The following PAMR1 variants were observed in gnomAD, a reference collection of about 807,000 sequenced individuals.
PAMR1 encodes peptidase domain containing associated with muscle regeneration 1.
PAMR1 carries 88 observed loss-of-function variants against 81.8 expected under a neutral mutation model. The observed-to-expected ratio is 1.08, with a 90% CI of 0.91 to 1.28. The LOEUF (loss-of-function observed/expected upper bound fraction) is 1.28. PAMR1 is among the 50% of genes most tolerant of loss of function. The pLI, the probability that PAMR1 is intolerant of heterozygous loss-of-function variation, is 0.00. For synonymous variants in PAMR1, 336 were observed against 345.3 expected (o/e 0.97, Z 0.30); for missense variants, 935 against 919.7 (o/e 1.02, Z -0.21).
chr11:35,441,588 G>A lies in PAMR1; in HGVS notation c.926C>T (p.Thr309Ile), dbSNP rs764484315. ...GTTGTTACAAAAGAAAGACACCACG[G>A]TGCCAATTTTAGCATGGCGTCCGTT... ...LINGRHAKIG[T>I]VVSFFCNNSY... The change falls in exon 7 of 11, where the codon ACC becomes ATC. Residue 309 changes from threonine to isoleucine, a missense_variant. Coordinates refer to ENST00000619888, the MANE Select transcript of PAMR1 (RefSeq NM_001001991.3). 4.3e-6 allele frequency: 7 copies of A among 1,613,814 alleles called. 2 individuals carry two copies. The South Asian group carries it at 6.6e-5, about 15-fold the overall frequency.
chr11:35,461,974 G>A (rs7130305), intron 6 of PAMR1, among the ~76,000 whole-genome samples: 6 of 151,746 alleles, frequency 4.0e-5, no homozygotes, highest in Middle Eastern at 3.4e-3. Context: ...GACAGATTGA[G>A]CCTTTGTTTT....
intron 3 of PAMR1, among the ~76,000 whole-genome samples, chr11:35,485,589 G>A (rs1195626329): frequency 6.6e-6 from 1 of 152,134 alleles, no homozygotes. Flanking sequence ...ACCTGCCAAT[G>A]GTTATGCATG....
At chr11:35,434,478 G>A in intron 10 of PAMR1, 34 bp downstream of exon 10, 1 of 1,590,942 alleles carries the variant, frequency 6.3e-7, no homozygotes, top group Non-Finnish European at 8.6e-7. Context: ...TTTTGAGCCA[G>A]AGCCCCAGCT....
chr11:35,523,323 T>C (rs1590405771), intron 1 of PAMR1, among the ~76,000 whole-genome samples: 1 of 152,240 alleles, frequency 6.6e-6, no homozygotes, highest in African/African-American at 2.4e-5. Context: ...TTAATGTCTG[T>C]TGGAAGCAAC....
intron 1 of PAMR1, among the ~76,000 whole-genome samples, chr11:35,495,877 T>A (rs1590375861): frequency 5.3e-5 from 8 of 152,360 alleles, no homozygotes; most frequent in African/African-American, 1.9e-4. Context: ...GAGGGACAGT[T>A]ATTTAAATGG....
At chr11:35,500,160 A>G (rs7942287) in intron 1 of PAMR1, among the ~76,000 whole-genome samples, 71,232 of 152,054 alleles carry the variant, frequency 0.47, 19,264 homozygotes, top group Non-Finnish European at 0.61. Context: ...TCTGACCTTC[A>G]CGGCTGGAAG....
At position 35,492,104 on chromosome 11, in the gene PAMR1, T is replaced by C. The variant is rs1239712879; in HGVS notation, c.320A>G (p.Tyr107Cys). 5 of 1,614,142 alleles carry C rather than the reference T, an allele frequency of 3.1e-6. No homozygotes were observed. The highest frequency in any genetic ancestry group is 1.1e-5 in the South Asian group (1 of 91,072). Residue 107 changes from tyrosine to cysteine, a missense_variant, in exon 3 of 11, where the codon TAT becomes TGT. Physicochemically the swap from Tyr to Cys is radical, Grantham distance 194. Coordinates refer to ENST00000619888, the MANE Select transcript of PAMR1 (RefSeq NM_001001991.3). ...GSWGGTLDDF[Y>C]VKGFYCAECR... Reference sequence around the variant, plus strand: ...CTCTGCACAGTAGAACCCCTTCACATAGAAGTCATCCAAGGTACCCCCCCA... The same window carrying C: ...CTCTGCACAGTAGAACCCCTTCACACAGAAGTCATCCAAGGTACCCCCCCA...
At chr11:35,470,168 A>G (rs1590346934) in intron 5 of PAMR1, among the ~76,000 whole-genome samples, 1 of 152,140 alleles carries the variant, frequency 6.6e-6, no homozygotes, top group East Asian at 1.9e-4. Context: ...TTACTCCCTT[A>G]TCACTCATTA....
intron 3 of PAMR1, among the ~76,000 whole-genome samples, chr11:35,488,793 G>A (rs1043164928): frequency 6.9e-5 from 10 of 145,298 alleles, no homozygotes; most frequent in African/African-American, 1.0e-4. Flanking sequence ...GGCTGGTCTC[G>A]AACTTCTGGG....
chr11:35,520,722 CT>C (rs1205105784), intron 1 of PAMR1, among the ~76,000 whole-genome samples: 19 of 152,210 alleles, frequency 1.2e-4, no homozygotes, highest in Admixed American at 1.2e-3. Flanking sequence ...ACAATATTCC[CT>C]CATTTATCAT....
rs111324432 is a variant in PAMR1 at position 35,434,719 on chromosome 11, G to A, written c.1419C>T (p.Ser473=). Residue 473 remains serine (S), a synonymous_variant, in exon 10 of 11, where the codon AGC becomes AGT. Coordinates refer to ENST00000619888, the MANE Select transcript of PAMR1 (RefSeq NM_001001991.3). ...TGTGTAGGCTGCCGTCATGCACCCCGCTGGTCCTCCTGTAGATGGCTGCCT... is the reference window on the plus strand; with the variant it reads ...TGTGTAGGCTGCCGTCATGCACCCCACTGGTCCTCCTGTAGATGGCTGCCT... ...PWQAAIYRRT[S]GVHDGSLHKG... is the part of the protein sequence containing the mutation. The A allele has an allele frequency of 6.4e-5, 103 of 1,614,120 alleles. 1 individual carries two copies. Among genetic ancestry groups the A allele is most frequent in the African/African-American group, 4.4e-4 (33 of 75,018 alleles).
chr11:35,435,862 A>C (rs755770819), intron 9 of PAMR1, 41 bp downstream of exon 9: 2 of 1,446,378 alleles, frequency 1.4e-6, no homozygotes, highest in East Asian at 2.3e-5. Context: ...CAGTCATGAA[A>C]GATTGAGCAT....
chr11:35,448,276 C>A (rs528415783), intron 6 of PAMR1, among the ~76,000 whole-genome samples: 1 of 152,250 alleles, frequency 6.6e-6, no homozygotes, highest in South Asian at 2.1e-4. Context: ...CTTTCAGGTA[C>A]CCCAATCAGG....
At chr11:35,499,368 C>T (rs542092518) in intron 1 of PAMR1, among the ~76,000 whole-genome samples, 2 of 152,198 alleles carry the variant, frequency 1.3e-5, no homozygotes, top group African/African-American at 4.8e-5. Flanking sequence ...CATGCCTCAC[C>T]CCCTCCCTCT....
intron 1 of PAMR1, among the ~76,000 whole-genome samples, chr11:35,502,986 GT>G (rs35638373): frequency 0.31 from 47,531 of 151,992 alleles, 7,510 homozygotes; most frequent in African/African-American, 0.37. Context: ...GTTGGATTTA[GT>G]TTTTAATTCA....
chr11:35,487,711 G>A (rs1044216890), intron 3 of PAMR1, among the ~76,000 whole-genome samples: 2 of 152,184 alleles, frequency 1.3e-5, no homozygotes, highest in Admixed American at 1.3e-4. Flanking sequence ...CTACTTCCCA[G>A]AGAAAACGGG....
intron 4 of PAMR1, 111 bp from the exon 5 acceptor site, chr11:35,470,929 A>T: frequency 1.4e-6 from 1 of 737,980 alleles, no homozygotes. Context: ...AGATGGTGTC[A>T]CTGGCCTGAT....
chr11:35,466,078 T>C (rs998735027), intron 6 of PAMR1, among the ~76,000 whole-genome samples: 9 of 152,182 alleles, frequency 5.9e-5, no homozygotes, highest in African/African-American at 1.9e-4. Flanking sequence ...ATTCTATTTT[T>C]TTTTTTTTAT....
chr11:35,434,346 C>A (rs762869203), intron 10 of PAMR1, among the ~76,000 whole-genome samples, 166 bp downstream of exon 10: 3 of 151,622 alleles, frequency 2.0e-5, no homozygotes, highest in Non-Finnish European at 4.4e-5. Flanking sequence ...TTTCTAGGTA[C>A]CCCCATCTAG....
Sources: allele counts gnomAD v4.1 joint callset (sites outside exome capture counted in the v4.1 genomes callset), GRCh38; gene constraint gnomAD v4.1.1; transcripts MANE v1.5; gene names NCBI Gene and HGNC (gene_info 2026-07-23, HGNC 2026-07-21).